The following TRMT11 variants were observed in gnomAD, a reference collection of about 807,000 sequenced individuals.
TRMT11 encodes the protein tRNA methyltransferase 11, also known as tRNA (guanine(10)-N(2))-methyltransferase TRMT11.
In TRMT11, 53 loss-of-function variants were observed where a neutral mutation model predicts 62.8. The observed-to-expected ratio is 0.84, with a 90% CI of 0.68 to 1.06. TRMT11 has a LOEUF of 1.06. Ranked by LOEUF, TRMT11 falls within the 50% of genes least tolerant of loss-of-function variation. The pLI is 0.00. For missense variants in TRMT11, 556 were observed against 553.4 expected (o/e 1.00, Z -0.05); for synonymous variants, 188 against 190.3 (o/e 0.99, Z 0.10).
intron 4 of TRMT11, 36 bp downstream of exon 4, chr6:125,998,170 T>C: frequency 6.3e-7 from 1 of 1,596,712 alleles, no homozygotes. Context: ...TAGGCATGCG[T>C]GCAGATTCTG....
At chr6:126,156,750 TAAAC>T (rs1460733117) in intron 21 of TRMT11, among the ~76,000 whole-genome samples, 1 of 152,090 alleles carries the variant, frequency 6.6e-6, no homozygotes, top group Non-Finnish European at 1.5e-5. Flanking sequence ...CACAAACTTT[TAAAC>T]AACCGAATCT....
chr6:126,211,743 G>C, the TRMT11 span, among the ~76,000 whole-genome samples: 1 of 151,494 alleles, frequency 6.6e-6, no homozygotes, highest in East Asian at 1.9e-4. Flanking sequence ...GGTTAAGTGG[G>C]GTACCCACCA....
chr6:126,019,714 T>C (rs1447821316), intron 11 of TRMT11, among the ~76,000 whole-genome samples: 1 of 152,180 alleles, frequency 6.6e-6, no homozygotes, highest in Non-Finnish European at 1.5e-5. Context: ...AACCATGGTG[T>C]AGAATATATT....
chr6:126,058,322 A>C (rs559701289), intron 17 of TRMT11, among the ~76,000 whole-genome samples: 1 of 152,144 alleles, frequency 6.6e-6, no homozygotes, highest in African/African-American at 2.4e-5. Flanking sequence ...TCCATGGTGT[A>C]TATGCGCCAT....
chr6:126,243,301 A>G, the TRMT11 span, among the ~76,000 whole-genome samples: 5 of 152,164 alleles, frequency 3.3e-5, no homozygotes, highest in African/African-American at 1.2e-4. Flanking sequence ...GCTGGAGAGG[A>G]CGTGGAGAAA....
chr6:126,255,238 C>T, the TRMT11 span, among the ~76,000 whole-genome samples: 2 of 151,820 alleles, frequency 1.3e-5, no homozygotes, highest in Non-Finnish European at 2.9e-5. Flanking sequence ...ATATCTATAC[C>T]TTTTTTCTGA....
At chr6:126,166,976 A>G (rs1327883951) in intron 21 of TRMT11, among the ~76,000 whole-genome samples, 2 of 152,154 alleles carry the variant, frequency 1.3e-5, no homozygotes, top group Admixed American at 6.5e-5. Context: ...ACCAAGCTCA[A>G]GTGTCCCAGG....
chr6:126,101,805 G>A (rs1021684964), intron 17 of TRMT11, among the ~76,000 whole-genome samples: 4 of 152,132 alleles, frequency 2.6e-5, no homozygotes, highest in African/African-American at 7.2e-5. Flanking sequence ...TGGCATCTCC[G>A]TTTCCCTCCA....
chr6:126,243,233 G>A, the TRMT11 span, among the ~76,000 whole-genome samples: 1 of 152,070 alleles, frequency 6.6e-6, no homozygotes, highest in South Asian at 2.1e-4. Flanking sequence ...AACCACAATG[G>A]GATACCATCT....
chr6:126,228,119 C>G, the TRMT11 span, among the ~76,000 whole-genome samples: 1 of 152,208 alleles, frequency 6.6e-6, no homozygotes, highest in African/African-American at 2.4e-5. Flanking sequence ...ATTCCCCATC[C>G]CTCTGTGAGG....
chr6:126,247,963 G>A, the TRMT11 span, among the ~76,000 whole-genome samples: 64 of 151,990 alleles, frequency 4.2e-4, no homozygotes, highest in African/African-American at 1.5e-3. Flanking sequence ...GCTCATGAAG[G>A]GTAAAGAGGA....
At chr6:126,129,010 G>T (rs555024391) in intron 21 of TRMT11, among the ~76,000 whole-genome samples, 1 of 146,638 alleles carries the variant, frequency 6.8e-6, no homozygotes, top group South Asian at 2.2e-4. Flanking sequence ...AGCTATAAAA[G>T]AGGTCAGGAC....
chr6:126,213,151 C>T, the TRMT11 span, among the ~76,000 whole-genome samples: 17 of 152,078 alleles, frequency 1.1e-4, no homozygotes, highest in African/African-American at 3.9e-4. Context: ...ACGCCAGCAC[C>T]ATGCTATTTT....
intron 17 of TRMT11, among the ~76,000 whole-genome samples, chr6:126,106,936 C>CAAAAAAAAA (rs59224462): frequency 1.1e-5 from 1 of 94,242 alleles, no homozygotes; most frequent in African/African-American, 3.1e-5. Context: ...CTCTCTCTCT[C>CAAAAAAAAA]AAAAAAAAAA....
At chr6:126,044,082 T>C (rs1490384184), downstream of TRMT11, among the ~76,000 whole-genome samples, 6 of 151,482 alleles carry the variant, frequency 4.0e-5, no homozygotes, top group African/African-American at 1.2e-4. Flanking sequence ...GTCAATTTTG[T>C]CTTTTGTTGC....
At chr6:126,135,467 A>G (rs1039550640) in intron 21 of TRMT11, among the ~76,000 whole-genome samples, 2 of 151,846 alleles carry the variant, frequency 1.3e-5, no homozygotes, top group Admixed American at 6.6e-5. Context: ...CAAACCAATC[A>G]TGAATAATGA....
At chr6:126,243,698 A>T in the TRMT11 span, among the ~76,000 whole-genome samples, 152 of 151,814 alleles carry the variant, frequency 1.0e-3, no homozygotes, top group African/African-American at 3.3e-3. Flanking sequence ...AAAACTAAAC[A>T]CCGCATATTC....
the TRMT11 span, among the ~76,000 whole-genome samples, chr6:126,231,971 G>T: frequency 2.0e-5 from 3 of 152,120 alleles, no homozygotes; most frequent in Admixed American, 1.3e-4. Flanking sequence ...AATTGGCAAT[G>T]ATATGACTTT....
At chr6:126,076,794 T>A (rs1293439715) in intron 17 of TRMT11, among the ~76,000 whole-genome samples, 1 of 152,216 alleles carries the variant, frequency 6.6e-6, no homozygotes, top group Non-Finnish European at 1.5e-5. Flanking sequence ...AGAGTTTTTT[T>A]AATTAGCAGT....
Sources: allele counts gnomAD v4.1 joint callset (sites outside exome capture counted in the v4.1 genomes callset), GRCh38; gene constraint gnomAD v4.1.1; transcripts MANE v1.5; gene names NCBI Gene and HGNC (gene_info 2026-07-23, HGNC 2026-07-21).